ERG: variants seen among roughly 807,000 people sequenced by gnomAD.
ERG encodes transcriptional regulator ERG.
A neutral mutation model predicts 55.3 loss-of-function variants in ERG; 9 were observed. The observed-to-expected ratio is 0.16, with a 90% CI of 0.10 to 0.28. The LOEUF (loss-of-function observed/expected upper bound fraction) is 0.28, where lower values mean the gene tolerates loss of function less well. Among genes scored for constraint, ERG ranks in the 10% least tolerant of loss-of-function variants. The probability of loss-of-function intolerance (pLI) is 1.00; values close to 1 mark genes in which losing one functional copy is unlikely to be tolerated. For synonymous variants in ERG, 223 were observed against 237.3 expected (o/e 0.94, Z 0.55); for missense variants, 434 against 631.6 (o/e 0.69, Z 3.35).
chr21:38,394,766 GA>G (rs1988131240), intron 6 of ERG, among the ~76,000 whole-genome samples: 1 of 152,154 alleles, frequency 6.6e-6, no homozygotes, highest in African/African-American at 2.4e-5. Flanking sequence ...GATGATTTCA[GA>G]AATGCTATCT....
At chr21:38,599,848 C>A (rs997460739) in intron 1 of ERG, among the ~76,000 whole-genome samples, 3 of 152,202 alleles carry the variant, frequency 2.0e-5, no homozygotes, top group African/African-American at 7.2e-5. Flanking sequence ...TAAAGTTGCA[C>A]CTACATCATA....
chr21:38,440,973 T>C (rs1462282354), intron 2 of ERG, among the ~76,000 whole-genome samples: 3 of 152,096 alleles, frequency 2.0e-5, no homozygotes, highest in Admixed American at 1.3e-4. Flanking sequence ...GTTGGATTGT[T>C]AATAGCAGAA....
At chr21:38,567,432 A>C (rs1278059502) in intron 2 of ERG, among the ~76,000 whole-genome samples, 1 of 152,154 alleles carries the variant, frequency 6.6e-6, no homozygotes. Context: ...AAAGTACAAA[A>C]AACGAAAAAG....
At chr21:38,441,907 C>G (rs550233088) in intron 2 of ERG, among the ~76,000 whole-genome samples, 28 of 152,178 alleles carry the variant, frequency 1.8e-4, no homozygotes, top group Admixed American at 3.3e-4. Context: ...CCTGCCAAAC[C>G]GACATCACCG....
chr21:38,569,840 T>A (rs1444364073), intron 2 of ERG, among the ~76,000 whole-genome samples: 1 of 152,230 alleles, frequency 6.6e-6, no homozygotes, highest in Non-Finnish European at 1.5e-5. Flanking sequence ...ATTTGTGGAA[T>A]CATATTGTAT....
chr21:38,510,298 T>A (rs1214515370), intron 2 of ERG, among the ~76,000 whole-genome samples: 1 of 152,246 alleles, frequency 6.6e-6, no homozygotes, highest in African/African-American at 2.4e-5. Context: ...GGATTTGAGA[T>A]ACTGGATTCC....
At position 38,460,922 on chromosome 21, in the gene ERG, A is replaced by G. The variant is rs986716068; in HGVS notation, c.19-15301T>C. 1.1e-4 allele frequency among the ~76,000 whole-genome samples: 16 copies of G among 152,338 alleles called. No individual in the cohort carries two copies. Among genetic ancestry groups the G allele is most frequent in the East Asian group, 9.6e-4 (5 of 5,182 alleles). Reference sequence around the variant, plus strand: ...TGTTCACTGCTGTGCTTGCCTATGGAGAACCTGGATTCCCAGAGCTCTATC... The same window carrying G: ...TGTTCACTGCTGTGCTTGCCTATGGGGAACCTGGATTCCCAGAGCTCTATC... On this transcript the variant is annotated intron_variant, in intron 1 of 9. Transcript: ENST00000288319. This position sits in a 1 kb window ranked among gnomAD's most constrained non-coding sequence, Gnocchi z 5.0.
At chr21:38,507,743 C>T (rs2059474690) in intron 2 of ERG, among the ~76,000 whole-genome samples, 1 of 152,170 alleles carries the variant, frequency 6.6e-6, no homozygotes, top group African/African-American at 2.4e-5. Context: ...CAGTTTCATT[C>T]AGTCCAGCCA....
upstream of ERG, among the ~76,000 whole-genome samples, chr21:38,589,195 T>C (rs1426586261): frequency 6.6e-6 from 1 of 152,046 alleles, no homozygotes; most frequent in Non-Finnish European, 1.5e-5. Flanking sequence ...CCAGAAAAGC[T>C]ACCCTCACTC....
chr21:38,544,323 T>C (rs2836497), intron 2 of ERG, among the ~76,000 whole-genome samples: 96,749 of 152,048 alleles, frequency 0.64, 32,286 homozygotes, highest in Non-Finnish European at 0.75. Flanking sequence ...TGGAGCCACA[T>C]GGACTGACAA....
chr21:38,392,845 T>A (rs894799335), intron 6 of ERG, among the ~76,000 whole-genome samples: 1 of 152,196 alleles, frequency 6.6e-6, no homozygotes, highest in Non-Finnish European at 1.5e-5. Flanking sequence ...AACCAGCCCA[T>A]TTTTGTTTGA....
At chr21:38,413,879 T>C (rs756908971) in intron 3 of ERG, among the ~76,000 whole-genome samples, 2 of 152,212 alleles carry the variant, frequency 1.3e-5, no homozygotes, top group Non-Finnish European at 2.9e-5. Flanking sequence ...GTTTCATCCT[T>C]GGTCTACCCC....
At chr21:38,627,943 C>CTT (rs10650499) in intron 1 of ERG, among the ~76,000 whole-genome samples, 2,160 of 142,612 alleles carry the variant, frequency 0.015, 60 homozygotes, top group African/African-American at 0.047. Flanking sequence ...GTTTTCTCTT[C>CTT]TTTTTTTTTT....
chr21:38,440,244 C>G (rs1416129118), intron 2 of ERG, among the ~76,000 whole-genome samples: 1 of 152,222 alleles, frequency 6.6e-6, no homozygotes, highest in African/African-American at 2.4e-5. Context: ...CACAGCTGGC[C>G]TGGGGCTTCC....
intron 1 of ERG, among the ~76,000 whole-genome samples, chr21:38,477,007 CTTT>C (rs397867221): frequency 1.2e-5 from 1 of 84,154 alleles, no homozygotes; most frequent in East Asian, 4.0e-4. Context: ...TCTTTCTTTC[CTTT>C]TTTTTTTTTT....
intron 1 of ERG, among the ~76,000 whole-genome samples, chr21:38,458,734 G>T (rs2059013834): frequency 6.6e-6 from 1 of 152,130 alleles, no homozygotes; most frequent in Non-Finnish European, 1.5e-5. Flanking sequence ...GGGGGTGGTA[G>T]CTGGTGATGC....
intron 6 of ERG, chr21:38,395,476 T>C (rs1988170564): frequency 2.8e-5 from 6 of 211,754 alleles, no homozygotes; most frequent in Non-Finnish European, 5.7e-5. Flanking sequence ...TCCATTTCTC[T>C]TTGACTTTGA....
At chr21:38,431,834 C>T (rs1990227631) in intron 2 of ERG, among the ~76,000 whole-genome samples, 1 of 152,180 alleles carries the variant, frequency 6.6e-6, no homozygotes, top group African/African-American at 2.4e-5. Flanking sequence ...TAAGACCATC[C>T]CGCACCGTGC....
intron 1 of ERG, among the ~76,000 whole-genome samples, chr21:38,624,168 C>T (rs1008285102): frequency 3.6e-4 from 55 of 152,180 alleles, no homozygotes; most frequent in African/African-American, 1.3e-3. Flanking sequence ...ACCACCCATC[C>T]CATGATCCAG....
Sources: gnomAD v4.1 joint callset for allele counts (sites outside exome capture counted in the v4.1 genomes callset) on GRCh38, gnomAD v4.1.1 for gene constraint, Gnocchi (gnomAD v3.1) non-coding constraint, MANE v1.5 for transcripts, NCBI Gene and HGNC (gene_info 2026-07-23, HGNC 2026-07-21) for gene names.